The following HEPH variants were observed in gnomAD, a reference collection of about 807,000 sequenced individuals.
HEPH encodes the protein hephaestin.
Under a neutral mutation model 80.8 loss-of-function variants are expected in HEPH, and 69 were observed. The observed-to-expected ratio is 0.85, with a 90% CI of 0.70 to 1.04. HEPH has a LOEUF of 1.04. Among genes scored for constraint, HEPH ranks in the 50% least tolerant of loss-of-function variants. The pLI is 0.00. For synonymous variants in HEPH, 431 were observed against 322.8 expected, an observed-to-expected ratio of 1.34 and a Z score of -3.60; for missense variants, 1,115 against 891.3, an observed-to-expected ratio of 1.25 and a Z score of -3.20.
chrX:66,262,796 G>T (rs983406089), intron 19 of HEPH, among the ~76,000 whole-genome samples: 4 of 111,535 alleles, frequency 3.6e-5, no homozygotes, highest in Non-Finnish European at 7.5e-5. Context: ...AAAGCTAGAG[G>T]TCTCATGGCA....
chrX:66,231,811 T>C (rs1162031441), intron 15 of HEPH, among the ~76,000 whole-genome samples: 1 of 106,659 alleles, frequency 9.4e-6, no homozygotes, highest in African/African-American at 3.5e-5. Flanking sequence ...CTTCCAACAC[T>C]ATGTTGAATA....
intron 15 of HEPH, among the ~76,000 whole-genome samples, chrX:66,239,109 G>A: frequency 8.9e-6 from 1 of 112,289 alleles, no homozygotes; most frequent in African/African-American, 3.2e-5. Flanking sequence ...TTTTGTTTAT[G>A]GCCAGTTTTG....
intron 15 of HEPH, among the ~76,000 whole-genome samples, chrX:66,232,110 G>T (rs1005045187): frequency 9.1e-6 from 1 of 109,879 alleles, no homozygotes; most frequent in African/African-American, 3.3e-5. Flanking sequence ...AACCAGCCTT[G>T]CATCCCAGGG....
intron 6 of HEPH, among the ~76,000 whole-genome samples, chrX:66,191,121 A>G (rs2087765825): frequency 8.9e-6 from 1 of 111,989 alleles, no homozygotes; most frequent in Admixed American, 9.5e-5. Context: ...ATAAGAAAAT[A>G]AAATGAACAA....
chrX:66,242,826 C>G (rs2090654738), intron 15 of HEPH, among the ~76,000 whole-genome samples: 1 of 111,733 alleles, frequency 8.9e-6, no homozygotes, highest in Non-Finnish European at 1.9e-5. Flanking sequence ...CATCTCACAC[C>G]TGTCAGAGCA....
chrX:66,191,666 C>T (rs1569309476), intron 6 of HEPH, among the ~76,000 whole-genome samples: 1 of 111,992 alleles, frequency 8.9e-6, no homozygotes, highest in Non-Finnish European at 1.9e-5. Flanking sequence ...GGGAGCTTCC[C>T]AGTTTACAAA....
At chrX:66,195,808 T>C (rs1377231236) in intron 9 of HEPH, among the ~76,000 whole-genome samples, 5 of 112,066 alleles carry the variant, frequency 4.5e-5, no homozygotes, top group African/African-American at 1.6e-4. Context: ...TGAATGCATA[T>C]ATCCTAGCTT....
chrX:66,180,861 C>A (rs2087104182), intron 4 of HEPH, among the ~76,000 whole-genome samples: 1 of 70,261 alleles, frequency 1.4e-5, no homozygotes, highest in Non-Finnish European at 2.6e-5. Context: ...CCCGACCCCA[C>A]CACAGTCCCC....
chrX:66,193,096 T>C (rs1473566975), intron 7 of HEPH, among the ~76,000 whole-genome samples: 2 of 111,048 alleles, frequency 1.8e-5, no homozygotes, highest in African/African-American at 6.5e-5. Context: ...CATAGTGGGC[T>C]TTCATTTTGG....
chrX:66,243,845 TG>T lies in HEPH; in HGVS notation c.2564-11189del, dbSNP rs377342519. On this transcript the variant is annotated intron_variant, in intron 15 of 20. Coordinates refer to ENST00000343002, the MANE Select transcript of HEPH (RefSeq NM_001367233.3). ...GTTTGGCACTTCCTTAATGACCTCT[TG>T]TAAGCCAGGTGTGATGATAACTAAT... 2.5e-4 allele frequency among the ~76,000 whole-genome samples: 28 copies of T among 112,500 alleles called. No homozygotes were observed. In the East Asian group the frequency reaches 7.8e-3, roughly 31 times the overall value.
At chrX:66,171,181 A>C (rs911000567) in intron 2 of HEPH, 4 of 309,235 alleles carry the variant, frequency 1.3e-5, no homozygotes, top group East Asian at 9.9e-5. Flanking sequence ...AATTAATGGT[A>C]ATAATTCTCA....
At chrX:66,229,028 C>T (rs770244052) in intron 15 of HEPH, among the ~76,000 whole-genome samples, 26 of 112,148 alleles carry the variant, frequency 2.3e-4, no homozygotes, top group Admixed American at 1.6e-3. Flanking sequence ...TCCACTCCTG[C>T]GTATCTACCC....
In HEPH at chrX:66,170,580, G is replaced by A; in HGVS notation, c.10G>A (p.Gly4Ser). The change falls in exon 2 of 21, where the codon GGC becomes AGC. Residue 4 changes from glycine (G) to serine (S), a missense_variant. Transcript: ENST00000343002. Reference protein sequence around the residue: MESGHLLWALLFMQ... With the variant: MESSHLLWALLFMQ... ...CAGAGTAATGTGGGCCATGGAGTCA[G>A]GCCACCTCCTCTGGGCTCTGCTGTT... 8.3e-7 allele frequency: 1 copy of A among 1,209,996 alleles called. No individual in the cohort carries two copies. The highest frequency in any genetic ancestry group is 1.1e-6 in the Non-Finnish European group (1 of 894,675).
intron 15 of HEPH, among the ~76,000 whole-genome samples, chrX:66,232,328 G>A (rs1435091138): frequency 2.7e-5 from 3 of 111,083 alleles, no homozygotes; most frequent in East Asian, 5.7e-4. Flanking sequence ...TTTTTCTATT[G>A]ATTGGAATAG....
intron 15 of HEPH, among the ~76,000 whole-genome samples, chrX:66,213,288 G>C (rs2089233233): frequency 9.3e-6 from 1 of 108,083 alleles, no homozygotes; most frequent in Non-Finnish European, 1.9e-5. Flanking sequence ...TGCGGTGTTT[G>C]GTTTTTTGTT....
intron 15 of HEPH, among the ~76,000 whole-genome samples, chrX:66,231,868 G>A (rs1236855864): frequency 9.2e-6 from 1 of 108,844 alleles, no homozygotes; most frequent in Non-Finnish European, 1.9e-5. Context: ...TTTTCAAAGG[G>A]AATGCTTCCA....
chrX:66,242,093 G>T (rs772265371), intron 15 of HEPH, among the ~76,000 whole-genome samples: 1 of 109,549 alleles, frequency 9.1e-6, no homozygotes, highest in Non-Finnish European at 1.9e-5. Flanking sequence ...AAAACTGAAG[G>T]CATCACATTA....
rs189571437 is a variant in HEPH, at chrX:66,170,497, G to A, written c.-13-61G>A. Reference sequence around the variant, plus strand: ...CTTGCCTCTTCAGTTTTCTGGACACGTAGAAAGCCCCTTTGTTCTCTTTCT... The same window carrying A: ...CTTGCCTCTTCAGTTTTCTGGACACATAGAAAGCCCCTTTGTTCTCTTTCT... On this transcript the variant is annotated intron_variant, in intron 1 of 20. Transcript: ENST00000343002. 4.4e-5 allele frequency: 46 copies of A among 1,050,070 alleles called. No individual in the cohort carries two copies. In the Admixed American group the frequency reaches 1.0e-3, roughly 24 times the overall value. The allele number at this position is 1,050,070 out of a possible 1,213,427, so 86.5% of individuals were successfully genotyped here. A position where few individuals can be genotyped will look rare whatever the true frequency, so the allele number is the denominator to read the frequency against.
At chrX:66,167,477 G>T (rs757180989) in intron 1 of HEPH, among the ~76,000 whole-genome samples, 2 of 112,164 alleles carry the variant, frequency 1.8e-5, no homozygotes, top group African/African-American at 3.2e-5. Context: ...ACAGTTTTCT[G>T]TCTAGGTAAA....
Sources: gnomAD v4.1 joint callset for allele counts (sites outside exome capture counted in the v4.1 genomes callset) on GRCh38, gnomAD v4.1.1 for gene constraint, MANE v1.5 for transcripts, NCBI Gene and HGNC (gene_info 2026-07-23, HGNC 2026-07-21) for gene names.